VPS13D: variants seen among roughly 807,000 people sequenced by gnomAD.
VPS13D encodes intermembrane lipid transfer protein VPS13D.
VPS13D carries 187 observed loss-of-function variants against 461.9 expected under a neutral mutation model. The observed-to-expected ratio is 0.40, with a 90% CI of 0.36 to 0.46. The LOEUF is 0.46. Ranked by LOEUF, VPS13D falls within the 20% of genes least tolerant of loss-of-function variation. The pLI, the probability that VPS13D is intolerant of heterozygous loss-of-function variation, is 0.60. For missense variants in VPS13D, 4,711 were observed against 5,364.9 expected, an observed-to-expected ratio of 0.88 and a Z score of 3.81; for synonymous variants, 1,951 against 1,986.3, an observed-to-expected ratio of 0.98 and a Z score of 0.47.
chr1:12,413,779 C>CTT (rs542417028), intron 63 of VPS13D, among the ~76,000 whole-genome samples: 10 of 144,054 alleles, frequency 6.9e-5, no homozygotes, highest in East Asian at 4.1e-4. Context: ...GCCAGAATAT[C>CTT]TTTTTTTTTT....
chr1:12,365,979 C>T (rs1447240208), intron 52 of VPS13D, among the ~76,000 whole-genome samples: 1 of 151,936 alleles, frequency 6.6e-6, no homozygotes, highest in Non-Finnish European at 1.5e-5. Context: ...TCATAGTTCA[C>T]TGTGACTTTG....
intron 65 of VPS13D, among the ~76,000 whole-genome samples, chr1:12,431,515 G>T (rs1284414273): frequency 1.3e-5 from 2 of 150,618 alleles, no homozygotes; most frequent in African/African-American, 2.4e-5. Flanking sequence ...TAGGAGTGAG[G>T]GGGAGAAAAG....
intron 61 of VPS13D, among the ~76,000 whole-genome samples, chr1:12,400,904 C>G (rs1024369976): frequency 2.0e-5 from 3 of 151,790 alleles, no homozygotes; most frequent in African/African-American, 7.3e-5. Flanking sequence ...CAGCGAGTCA[C>G]GATCACACCA....
At chr1:12,376,036 A>G (rs1465831850) in intron 55 of VPS13D, among the ~76,000 whole-genome samples, 1 of 152,236 alleles carries the variant, frequency 6.6e-6, no homozygotes, top group Non-Finnish European at 1.5e-5. Context: ...ATGGGCAGGC[A>G]GTAGAGGAAT....
intron 65 of VPS13D, among the ~76,000 whole-genome samples, chr1:12,428,416 T>C (rs190204592): frequency 1.9e-4 from 29 of 152,310 alleles, no homozygotes; most frequent in African/African-American, 7.0e-4. Flanking sequence ...ACAAGGACAT[T>C]TTCTAGTTAG....
intron 45 of VPS13D, 57 bp from the exon 46 acceptor site, chr1:12,349,107 C>T: frequency 1.2e-6 from 2 of 1,611,468 alleles, no homozygotes; most frequent in Non-Finnish European, 1.7e-6. Flanking sequence ...CTGAGATGGT[C>T]AATCTTTGGG....
At chr1:12,459,121 C>G (rs758098233) in intron 66 of VPS13D, among the ~76,000 whole-genome samples, 5 of 152,220 alleles carry the variant, frequency 3.3e-5, no homozygotes, top group Non-Finnish European at 5.9e-5. Flanking sequence ...ACCATCAGCT[C>G]TCCATATCCA....
At chr1:12,284,513 C>G (rs763554522) in intron 21 of VPS13D, among the ~76,000 whole-genome samples, 31 of 152,226 alleles carry the variant, frequency 2.0e-4, no homozygotes, top group Admixed American at 1.6e-3. Flanking sequence ...TAAGGCTATT[C>G]TGCTCTGTGT....
At chr1:12,346,128 C>T (rs1328457269) in intron 43 of VPS13D, among the ~76,000 whole-genome samples, 2 of 152,158 alleles carry the variant, frequency 1.3e-5, no homozygotes, top group Non-Finnish European at 2.9e-5. Context: ...GGAACACTTG[C>T]ACTTATTTTT....
At chr1:12,322,389 C>A in intron 33 of VPS13D, 147 bp from the exon 34 acceptor site, 1 of 809,996 alleles carries the variant, frequency 1.2e-6, no homozygotes. Context: ...TGCTTACTTT[C>A]AAGATCTTTG....
At chr1:12,470,713 C>A (rs974372520) in intron 67 of VPS13D, among the ~76,000 whole-genome samples, 2 of 152,156 alleles carry the variant, frequency 1.3e-5, no homozygotes, top group African/African-American at 4.8e-5. Flanking sequence ...GCCACTCTTA[C>A]GTGTTCATTA....
chr1:12,442,217 T>C (rs1645139814), intron 65 of VPS13D, among the ~76,000 whole-genome samples: 2 of 152,254 alleles, frequency 1.3e-5, no homozygotes, highest in Admixed American at 1.3e-4. Flanking sequence ...TTATTTTTAA[T>C]GTTTTGATTT....
At chr1:12,445,868 T>G (rs1645186071) in intron 65 of VPS13D, among the ~76,000 whole-genome samples, 1 of 152,204 alleles carries the variant, frequency 6.6e-6, no homozygotes, top group South Asian at 2.1e-4. Context: ...CAGGTTCAAC[T>G]TCTTTGTTCT....
Position 12,348,973 on chromosome 1 carries a change from A to G in VPS13D, c.9220A>G (p.Lys3074Glu), listed in dbSNP as rs532131217. 1.5e-5 allele frequency: 25 copies of G among 1,614,140 alleles called. No individual in the cohort carries two copies. The Admixed American group carries it at 3.8e-4, about 25-fold the overall frequency. ...LRLDSPSAPD[K>E]PVVLPAIMPG... ...ACTGGATAGCCCATCAGCTCCAGAC[A>G]GTATGTTTTGATTGTCTAGCATATA... is the stretch of plus-strand genomic sequence containing the variant. The change falls in exon 45 of 70, where the codon AAG becomes GAG. Residue 3074 changes from lysine to glutamate, a missense_variant and splice_region_variant. By Grantham distance (56) the Lys-to-Glu change is moderately conservative. Around this residue, in one of 3 missense-constraint regions of VPS13D, gnomAD observed 4,411 missense variants for 4,937.8 expected, o/e 0.89. Coordinates refer to ENST00000620676, the MANE Select transcript of VPS13D (RefSeq NM_015378.4).
chr1:12,418,901 T>C (rs1430394556), intron 65 of VPS13D, among the ~76,000 whole-genome samples: 1 of 152,200 alleles, frequency 6.6e-6, no homozygotes, highest in Non-Finnish European at 1.5e-5. Flanking sequence ...ATGAAGAAGC[T>C]GTTCAAGTGC....
At chr1:12,297,850 A>G (rs2101450817) in intron 24 of VPS13D, among the ~76,000 whole-genome samples, 1 of 152,334 alleles carries the variant, frequency 6.6e-6, no homozygotes, top group Admixed American at 6.5e-5. Context: ...GATAATACCT[A>G]ATGAGGCGGT....
chr1:12,390,290 A>T (rs1048707835), intron 60 of VPS13D, among the ~76,000 whole-genome samples: 1 of 152,196 alleles, frequency 6.6e-6, no homozygotes, highest in African/African-American at 2.4e-5. Flanking sequence ...TTCAGAGCAT[A>T]CATAGCCTTC....
chr1:12,443,095 ATCT>A (rs1445138422), intron 65 of VPS13D, among the ~76,000 whole-genome samples: 3 of 152,236 alleles, frequency 2.0e-5, no homozygotes, highest in African/African-American at 7.2e-5. Flanking sequence ...TCCAGGTGAC[ATCT>A]TCTTCCTTCA....
chr1:12,393,646 T>A (rs1335754499), intron 60 of VPS13D, among the ~76,000 whole-genome samples: 1 of 152,196 alleles, frequency 6.6e-6, no homozygotes, highest in East Asian at 1.9e-4. Flanking sequence ...ATCTTTCAAG[T>A]GGCACTAATC....
Sources: gnomAD v4.1 joint callset for allele counts (sites outside exome capture counted in the v4.1 genomes callset) on GRCh38, gnomAD v4.1.1 for gene constraint, gnomAD v4.1.1 regional missense constraint, MANE v1.5 for transcripts, NCBI Gene and HGNC (gene_info 2026-07-23, HGNC 2026-07-21) for gene names.